CD38: variants seen among roughly 807,000 people sequenced by gnomAD.
CD38 encodes CD38 molecule, also known as ADP-ribosyl cyclase/cyclic ADP-ribose hydrolase 1.
In CD38, 31 loss-of-function variants were observed where a neutral mutation model predicts 36.3. The ratio of observed to expected loss-of-function variants is 0.85; its 90% CI spans 0.64 to 1.15. The LOEUF is 1.15. Ranked by LOEUF, CD38 falls within the 50% of genes most tolerant of loss-of-function variation. The pLI is 0.00. For missense variants in CD38, 380 were observed against 371.9 expected (o/e 1.02, Z -0.18); for synonymous variants, 131 against 135.2 (o/e 0.97, Z 0.22).
rs1724389761 is a variant in CD38 at position 15,851,697 on chromosome 4, T to A, written c.*3095T>A. On this transcript the variant is annotated 3_prime_UTR_variant, in exon 8 of 8. Coordinates refer to ENST00000226279, the MANE Select transcript of CD38 (RefSeq NM_001775.4). ...TGCCTGTATACAGTCATATGATACA[T>A]ACACAAACACACGCACACAAGCCTG... 1 of 152,136 alleles carries A rather than the reference T, an allele frequency of 6.6e-6. No homozygotes were observed. Among genetic ancestry groups the A allele is most frequent in the South Asian group, 2.1e-4 (1 of 4,822 alleles). The allele number at this position is 152,136 out of a possible 1,614,324, so 9.4% of individuals were successfully genotyped here.
chr4:15,821,696 A>AT, intron 2 of CD38, among the ~76,000 whole-genome samples: 1 of 87,158 alleles, frequency 1.1e-5, no homozygotes, highest in East Asian at 3.3e-4. Flanking sequence ...ATACCAACCA[A>AT]AAAAAAAAAA....
At chr4:15,807,169 T>C (rs1018390164) in intron 1 of CD38, among the ~76,000 whole-genome samples, 6 of 152,116 alleles carry the variant, frequency 3.9e-5, no homozygotes, top group Non-Finnish European at 7.4e-5. Flanking sequence ...ACTGAGGATT[T>C]GGGCTTGTTT....
At chr4:15,794,682 A>T (rs956256606) in intron 1 of CD38, among the ~76,000 whole-genome samples, 3 of 151,958 alleles carry the variant, frequency 2.0e-5, no homozygotes, top group Non-Finnish European at 1.5e-5. Context: ...TGCACAGACA[A>T]CTCTTGCAAG....
chr4:15,780,542 A>ACACACACACACACG (rs1722674166), intron 1 of CD38, among the ~76,000 whole-genome samples: 1 of 151,484 alleles, frequency 6.6e-6, no homozygotes, highest in African/African-American at 2.4e-5. Flanking sequence ...ACACACACAC[A>ACACACACACACACG]CACACACACA....
intron 2 of CD38, among the ~76,000 whole-genome samples, chr4:15,823,507 G>A (rs1332883330): frequency 2.0e-5 from 3 of 152,066 alleles, no homozygotes; most frequent in Non-Finnish European, 4.4e-5. Context: ...TCAAAAAGTG[G>A]GCAAAGAACA....
At chr4:15,800,800 C>G (rs1049857272) in intron 1 of CD38, among the ~76,000 whole-genome samples, 1 of 151,894 alleles carries the variant, frequency 6.6e-6, no homozygotes, top group Non-Finnish European at 1.5e-5. Context: ...AAAAGCAGTA[C>G]TAGGAGGAAA....
chr4:15,783,760 T>A (rs1208341421), intron 1 of CD38, among the ~76,000 whole-genome samples: 1 of 152,222 alleles, frequency 6.6e-6, no homozygotes, highest in Non-Finnish European at 1.5e-5. Context: ...CATGTCGATT[T>A]CTTTTTTATT....
At chr4:15,835,142 T>A (rs1214801008) in intron 4 of CD38, among the ~76,000 whole-genome samples, 1 of 152,126 alleles carries the variant, frequency 6.6e-6, no homozygotes, top group Admixed American at 6.6e-5. Context: ...TATCTAACTA[T>A]AATTTTGTAT....
chr4:15,790,814 A>G (rs373817008), intron 1 of CD38, among the ~76,000 whole-genome samples: 50,390 of 127,742 alleles, frequency 0.39, 9,872 homozygotes, highest in African/African-American at 0.69. Context: ...TGTGGGGAGC[A>G]CCTCTGCCCC....
In CD38 at chr4:15,813,559, A is replaced by T. The variant is rs369315531; in HGVS notation, c.234-2952A>T. Among the ~76,000 whole-genome samples the T allele has an allele frequency of 2.0e-5, 3 of 152,164 alleles. No individual in the cohort carries two copies. The South Asian group carries it at 6.2e-4, about 32-fold the overall frequency. On this transcript the variant is annotated intron_variant, in intron 1 of 7. Coordinates refer to ENST00000226279, the MANE Select transcript of CD38 (RefSeq NM_001775.4). ...CTATCATCTAGGTTTTAAGCCCTAC[A>T]TGCATTAGGTATTTGTCCTAATACT...
chr4:15,787,922 G>A (rs952183326), intron 1 of CD38, among the ~76,000 whole-genome samples: 4 of 152,186 alleles, frequency 2.6e-5, no homozygotes, highest in African/African-American at 4.8e-5. Context: ...GATGATGAAA[G>A]GTTGGTTTCC....
chr4:15,798,558 G>C (rs1417488297), intron 1 of CD38, among the ~76,000 whole-genome samples: 1 of 152,136 alleles, frequency 6.6e-6, no homozygotes, highest in Non-Finnish European at 1.5e-5. Context: ...TTGATATTTT[G>C]AATCATAATA....
At chr4:15,803,023 C>A (rs1016758144) in intron 1 of CD38, among the ~76,000 whole-genome samples, 1 of 152,100 alleles carries the variant, frequency 6.6e-6, no homozygotes, top group African/African-American at 2.4e-5. Context: ...TCTGCAACAG[C>A]ACTAAGAACA....
intron 4 of CD38, among the ~76,000 whole-genome samples, chr4:15,837,706 C>T (rs534715182): frequency 7.2e-5 from 11 of 152,304 alleles, no homozygotes; most frequent in Middle Eastern, 3.4e-3. Flanking sequence ...TTTCCCTCAT[C>T]CCTGAATCAT....
chr4:15,808,305 C>T (rs765597906), intron 1 of CD38, among the ~76,000 whole-genome samples: 1 of 152,190 alleles, frequency 6.6e-6, no homozygotes, highest in Non-Finnish European at 1.5e-5. Flanking sequence ...ACCTGTTACA[C>T]AGTGTGGTCT....
chr4:15,831,953 C>G (rs1277079190), intron 3 of CD38, among the ~76,000 whole-genome samples: 1 of 152,060 alleles, frequency 6.6e-6, no homozygotes, highest in African/African-American at 2.4e-5. Flanking sequence ...TTTTCTAGAT[C>G]CTGCCAGTGT....
chr4:15,848,458 A>G, intron 7 of CD38, 81 bp from the exon 8 acceptor site: 3 of 999,636 alleles, frequency 3.0e-6, no homozygotes, highest in Non-Finnish European at 4.7e-6. Context: ...GTCGCTAAAA[A>G]AGGGGCTTCC....
intron 4 of CD38, among the ~76,000 whole-genome samples, chr4:15,836,653 T>C (rs1352092928): frequency 6.6e-6 from 1 of 152,222 alleles, no homozygotes; most frequent in Non-Finnish European, 1.5e-5. Flanking sequence ...TAGGCCTCCC[T>C]GATTCCAAAG....
chr4:15,818,754 C>T (rs1296611162), intron 2 of CD38, among the ~76,000 whole-genome samples: 1 of 152,132 alleles, frequency 6.6e-6, no homozygotes, highest in African/African-American at 2.4e-5. Flanking sequence ...ACCCCCTGCA[C>T]ACTGCAGCAG....
Sources: allele counts gnomAD v4.1 joint callset (sites outside exome capture counted in the v4.1 genomes callset), GRCh38; gene constraint gnomAD v4.1.1; transcripts MANE v1.5; gene names NCBI Gene and HGNC (gene_info 2026-07-23, HGNC 2026-07-21).